IL1RAPL2: variants seen among roughly 807,000 people sequenced by gnomAD.
The protein encoded by IL1RAPL2 is X-linked interleukin-1 receptor accessory protein-like 2.
A neutral mutation model predicts 44.1 loss-of-function variants in IL1RAPL2; 3 were observed. The ratio of observed to expected loss-of-function variants is 0.07; its 90% CI spans 0.03 to 0.18. The LOEUF (loss-of-function observed/expected upper bound fraction) is 0.18. Ranked by LOEUF, IL1RAPL2 falls within the 10% of genes least tolerant of loss-of-function variation. The probability of loss-of-function intolerance (pLI) is 1.00; values close to 1 mark genes in which losing one functional copy is unlikely to be tolerated. For missense variants in IL1RAPL2, 391 were observed against 496.4 expected (o/e 0.79, Z 2.02); for synonymous variants, 181 against 178.8 (o/e 1.01, Z -0.10).
intron 6 of IL1RAPL2, among the ~76,000 whole-genome samples, chrX:105,638,785 G>A (rs890557641): frequency 4.4e-5 from 5 of 112,405 alleles, no homozygotes; most frequent in Non-Finnish European, 9.4e-5. Flanking sequence ...GTATGGTGCA[G>A]GGTAGATGTT....
At chrX:105,512,555 A>C (rs2036478176) in intron 6 of IL1RAPL2, among the ~76,000 whole-genome samples, 1 of 111,734 alleles carries the variant, frequency 8.9e-6, no homozygotes, top group South Asian at 3.7e-4. Context: ...AGGTGTAAAA[A>C]TTAAATCGCA....
intron 2 of IL1RAPL2, among the ~76,000 whole-genome samples, chrX:104,700,813 G>A (rs966647975): frequency 7.2e-5 from 8 of 111,717 alleles, no homozygotes; most frequent in African/African-American, 2.3e-4. Flanking sequence ...AGTCATAAGA[G>A]CTACAGCCTC....
At chrX:104,999,764 C>T (rs753896615) in intron 2 of IL1RAPL2, among the ~76,000 whole-genome samples, 12 of 110,937 alleles carry the variant, frequency 1.1e-4, no homozygotes, top group South Asian at 3.9e-4. Context: ...CAAGTGGAGA[C>T]GGAAAAATTT....
chrX:104,877,774 A>C (rs1005971382), intron 2 of IL1RAPL2, among the ~76,000 whole-genome samples: 13 of 111,166 alleles, frequency 1.2e-4, no homozygotes, highest in Middle Eastern at 4.6e-3. Flanking sequence ...AGACATACCC[A>C]GGGGTAAAGG....
chrX:105,618,104 A>ATC lies in IL1RAPL2; in HGVS notation c.773-99250_773-99249dup, dbSNP rs749989862. 2.5e-4 allele frequency among the ~76,000 whole-genome samples: 26 copies of ATC among 105,616 alleles called. No individual in the cohort carries two copies. The East Asian group carries it at 5.4e-3, about 22-fold the overall frequency. The allele number at this position is 105,616 out of a possible 115,157, so 91.7% of individuals were successfully genotyped here. ...AGTAATAAAGATACTCGCTCTCTGT[A>ATC]TCTCTCTCTCTCTCACTCACACACA... On this transcript the variant is annotated intron_variant, in intron 6 of 10. Transcript: ENST00000372582.
In IL1RAPL2 at chrX:105,395,237, T is replaced by C. The variant is rs1050678731; in HGVS notation, c.698-89076T>C. ...TTTTTAAAATTCATAAATATATATA[T>C]AGGCTTTATTCAAACACTCAGAGTT... On this transcript the variant is annotated intron_variant, in intron 5 of 10. Coordinates refer to ENST00000372582, the MANE Select transcript of IL1RAPL2 (RefSeq NM_017416.2). Among the ~76,000 whole-genome samples, 5 of 110,744 alleles carry C rather than the reference T, an allele frequency of 4.5e-5. No homozygotes were observed. The Admixed American group carries it at 4.8e-4, about 11-fold the overall frequency.
chrX:104,802,450 T>C (rs1235781649), intron 2 of IL1RAPL2, among the ~76,000 whole-genome samples: 2 of 111,081 alleles, frequency 1.8e-5, no homozygotes, highest in Non-Finnish European at 3.8e-5. Context: ...AGAACTGATT[T>C]GTACGCTTTT....
intron 2 of IL1RAPL2, among the ~76,000 whole-genome samples, chrX:104,787,727 G>A (rs987229856): frequency 5.4e-5 from 6 of 111,676 alleles, no homozygotes; most frequent in Non-Finnish European, 1.1e-4. Context: ...TCTTAAACTT[G>A]GGCATACATT....
At chrX:105,091,769 A>G (rs765550335) in intron 2 of IL1RAPL2, among the ~76,000 whole-genome samples, 2 of 111,798 alleles carry the variant, frequency 1.8e-5, no homozygotes, top group Non-Finnish European at 3.8e-5. Context: ...TGCTAGAGTC[A>G]TATCTTGTTT....
intron 2 of IL1RAPL2, among the ~76,000 whole-genome samples, chrX:105,192,766 C>T (rs2033643190): frequency 9.0e-6 from 1 of 111,190 alleles, no homozygotes; most frequent in Non-Finnish European, 1.9e-5. Context: ...ACTGCAAATA[C>T]TAAGGGAAAA....
intron 2 of IL1RAPL2, among the ~76,000 whole-genome samples, chrX:105,194,024 GA>G (rs1297632266): frequency 9.1e-6 from 1 of 110,120 alleles, no homozygotes; most frequent in East Asian, 2.8e-4. Flanking sequence ...TTGAAAATCT[GA>G]AAAAAAAGGG....
At chrX:104,638,139 G>A in intron 1 of IL1RAPL2, among the ~76,000 whole-genome samples, 1 of 110,881 alleles carries the variant, frequency 9.0e-6, no homozygotes, top group Non-Finnish European at 1.9e-5. Context: ...AGGTTTTCCA[G>A]TTTGTTAACA....
At position 104,943,446 on chromosome X, in the gene IL1RAPL2, C is replaced by T. The variant is rs189939056; in HGVS notation, c.83-252029C>T. Among the ~76,000 whole-genome samples the T allele has an allele frequency of 4.5e-5, 5 of 111,846 alleles. No individual in the cohort carries two copies. In the East Asian group the frequency reaches 1.4e-3, roughly 32 times the overall value. ...CTTGCTTCCAAATTCTGATTTATCC[C>T]ATCTTTTCTTCTCAGTTAATGACTA... On this transcript the variant is annotated intron_variant, in intron 2 of 10. Transcript: ENST00000372582.
chrX:105,446,273 A>C (rs1418031089), intron 5 of IL1RAPL2, among the ~76,000 whole-genome samples: 2 of 110,996 alleles, frequency 1.8e-5, no homozygotes, highest in Admixed American at 9.7e-5. Flanking sequence ...TTTTCAGCCT[A>C]CATGTATCTT....
At chrX:105,387,560 A>G (rs2147727731) in intron 5 of IL1RAPL2, among the ~76,000 whole-genome samples, 1 of 111,332 alleles carries the variant, frequency 9.0e-6, no homozygotes, top group Non-Finnish European at 1.9e-5. Flanking sequence ...TAAAAAATGT[A>G]TCTAACTTAA....
At chrX:105,122,569 C>T (rs2032935595) in intron 2 of IL1RAPL2, among the ~76,000 whole-genome samples, 1 of 111,212 alleles carries the variant, frequency 9.0e-6, no homozygotes, top group Admixed American at 9.6e-5. Context: ...GGAATCTTGA[C>T]CTTGGCATGT....
intron 6 of IL1RAPL2, among the ~76,000 whole-genome samples, chrX:105,616,812 GAT>G (rs992463898): frequency 1.1e-4 from 12 of 109,582 alleles, no homozygotes; most frequent in African/African-American, 4.0e-4. Flanking sequence ...TTCTTTTTAT[GAT>G]CCAAATTTTT....
intron 2 of IL1RAPL2, among the ~76,000 whole-genome samples, chrX:104,974,917 T>C (rs1323084352): frequency 8.9e-6 from 1 of 112,342 alleles, no homozygotes. Context: ...ACACTGATTC[T>C]GGCCCAGGGG....
intron 4 of IL1RAPL2, among the ~76,000 whole-genome samples, chrX:105,249,566 T>C (rs1431096677): frequency 9.0e-6 from 1 of 111,428 alleles, no homozygotes; most frequent in Non-Finnish European, 1.9e-5. Context: ...GATGTGATTA[T>C]TACACATTGG....
Sources: allele counts gnomAD v4.1 joint callset (sites outside exome capture counted in the v4.1 genomes callset), GRCh38; gene constraint gnomAD v4.1.1; transcripts MANE v1.5; gene names NCBI Gene and HGNC (gene_info 2026-07-23, HGNC 2026-07-21).